Variants in ARID4A observed in about 807,000 individuals in gnomAD.
ARID4A encodes AT-rich interaction domain 4A.
ARID4A carries 39 observed loss-of-function variants against 148.6 expected under a neutral mutation model. The ratio of observed to expected loss-of-function variants is 0.26; its 90% CI spans 0.20 to 0.34. ARID4A has a LOEUF of 0.34. Among genes scored for constraint, ARID4A ranks in the 10% least tolerant of loss-of-function variants. The pLI is 1.00. For synonymous variants in ARID4A, 475 were observed against 481.2 expected (o/e 0.99, Z 0.17); for missense variants, 1,265 against 1,449.1 (o/e 0.87, Z 2.06).
At chr14:58,332,399 A>G (rs2033580534) in intron 11 of ARID4A, among the ~76,000 whole-genome samples, 2 of 152,100 alleles carry the variant, frequency 1.3e-5, no homozygotes, top group Non-Finnish European at 2.9e-5. Context: ...TCGGATGGTC[A>G]ATTTCATAGC....
In ARID4A at chr14:58,372,099, C is replaced by A; in HGVS notation, c.*110C>A. 1.4e-6 allele frequency: 1 copy of A among 723,944 alleles called. No homozygotes were observed. Among genetic ancestry groups the A allele is most frequent in the South Asian group, 1.7e-5 (1 of 57,280 alleles). 44.8% of individuals were successfully genotyped at this position (723,944 alleles called of 1,614,324 possible). On this transcript the variant is annotated 3_prime_UTR_variant, in exon 24 of 24. Coordinates refer to ENST00000355431, the MANE Select transcript of ARID4A (RefSeq NM_002892.4). ...ACTGGTTTGACATTGCTAAGTATAT[C>A]CTGTATACTTTTCCAGGCTGGATTG...
At chr14:58,299,727 ACTTT>A in intron 1 of ARID4A, 67 bp from the exon 2 acceptor site, 1 of 1,340,394 alleles carries the variant, frequency 7.5e-7, no homozygotes, top group Non-Finnish European at 1.1e-6. Context: ...GCGTTTGTTT[ACTTT>A]CTTTCCCTTG....
At chr14:58,347,210 T>A (rs2034416788) in intron 14 of ARID4A, 93 bp downstream of exon 14, 2 of 634,662 alleles carry the variant, frequency 3.2e-6, no homozygotes, top group Non-Finnish European at 4.8e-6. Flanking sequence ...TCTAGAAACA[T>A]TAAAGTTAGA....
At chr14:58,361,739 T>C (rs1274584006) in intron 19 of ARID4A, among the ~76,000 whole-genome samples, 1 of 152,188 alleles carries the variant, frequency 6.6e-6, no homozygotes, top group Non-Finnish European at 1.5e-5. Context: ...TTGGGGTTGC[T>C]GAAGAAACTG....
intron 23 of ARID4A, among the ~76,000 whole-genome samples, chr14:58,367,671 G>A (rs1247676895): frequency 6.6e-6 from 1 of 152,154 alleles, no homozygotes; most frequent in Non-Finnish European, 1.5e-5. Flanking sequence ...CTAGCCCTTC[G>A]GGGGTTGTAG....
intron 19 of ARID4A, among the ~76,000 whole-genome samples, chr14:58,362,934 A>T (rs1371042310): frequency 6.6e-6 from 1 of 152,134 alleles, no homozygotes; most frequent in East Asian, 1.9e-4. Flanking sequence ...ACTGAACTAC[A>T]TGTTTGCTAT....
intron 11 of ARID4A, among the ~76,000 whole-genome samples, chr14:58,337,857 C>A (rs548484948): frequency 6.6e-6 from 1 of 152,262 alleles, no homozygotes; most frequent in Non-Finnish European, 1.5e-5. Flanking sequence ...TGATGGTAAC[C>A]CTTTATTGGC....
chr14:58,329,668 A>G, intron 10 of ARID4A, 64 bp downstream of exon 10: 1 of 1,321,006 alleles, frequency 7.6e-7, no homozygotes, highest in South Asian at 1.2e-5. Context: ...ATAGCAAATA[A>G]AGCAAGACTG....
At chr14:58,317,437 A>G (rs951219742) in intron 5 of ARID4A, among the ~76,000 whole-genome samples, 2 of 149,014 alleles carry the variant, frequency 1.3e-5, no homozygotes, top group Non-Finnish European at 3.0e-5. Flanking sequence ...GGCGCCCGCC[A>G]CCACGTCTGG....
chr14:58,358,016 A>G (rs2034961880), intron 17 of ARID4A, among the ~76,000 whole-genome samples: 1 of 152,106 alleles, frequency 6.6e-6, no homozygotes, highest in African/African-American at 2.4e-5. Flanking sequence ...CAGCCTGGGC[A>G]ACATGGCAAA....
chr14:58,299,511 A>G (rs1309491756), intron 1 of ARID4A: 28 of 301,698 alleles, frequency 9.3e-5, no homozygotes, highest in East Asian at 8.2e-4. Flanking sequence ...TTCCGGAGCT[A>G]TCTGTCCTGG....
intron 23 of ARID4A, among the ~76,000 whole-genome samples, chr14:58,370,646 C>G (rs1319795517): frequency 1.3e-5 from 2 of 151,194 alleles, no homozygotes; most frequent in Non-Finnish European, 3.0e-5. Flanking sequence ...GGTACAGGCT[C>G]TGGCACCCAG....
At chr14:58,327,153 T>C (rs1347098428) in intron 8 of ARID4A, among the ~76,000 whole-genome samples, 1 of 152,148 alleles carries the variant, frequency 6.6e-6, no homozygotes, top group Non-Finnish European at 1.5e-5. Context: ...AAAATAGAAT[T>C]AAAAATTCAG....
At chr14:58,317,454 T>A (rs2032521892) in intron 5 of ARID4A, among the ~76,000 whole-genome samples, 1 of 148,548 alleles carries the variant, frequency 6.7e-6, no homozygotes, top group Non-Finnish European at 1.5e-5. Context: ...CTGGCTAATT[T>A]TTTTTGTATT....
rs1437700288 is a variant in ARID4A at position 58,351,119 on chromosome 14, T to A, written c.1451T>A (p.Ile484Asn). The change falls in exon 16 of 24, where the codon ATT (isoleucine) becomes AAT (asparagine). Residue 484 changes from isoleucine to asparagine, a missense_variant. By Grantham distance (149) the Ile-to-Asn change is moderately radical. Transcript: ENST00000355431. The part of the protein sequence containing the change: ...ARDVNSIKKE[I>N]EEEKTEDKLK... Reference sequence around the variant, plus strand: ...GATGTAAATTCTATTAAAAAGGAAATTGAAGAAGAGAAAACAGAAGACAAA... The same window carrying A: ...GATGTAAATTCTATTAAAAAGGAAAATGAAGAAGAGAAAACAGAAGACAAA... The A allele has an allele frequency of 2.5e-6, 4 of 1,603,356 alleles. No individual in the cohort carries two copies. The highest frequency in any genetic ancestry group is 3.5e-5 in the Admixed American group (2 of 57,714).
intron 5 of ARID4A, among the ~76,000 whole-genome samples, chr14:58,307,588 G>A (rs1184797976): frequency 6.6e-6 from 1 of 152,184 alleles, no homozygotes; most frequent in Non-Finnish European, 1.5e-5. Context: ...AGGGGGGCGA[G>A]GTGGGCGGAT....
chr14:58,346,556 A>C (rs892281413), intron 13 of ARID4A, 51 bp downstream of exon 13: 1 of 1,252,770 alleles, frequency 8.0e-7, no homozygotes. Flanking sequence ...TAAAAAGTTA[A>C]GTTATCTTAT....
At chr14:58,320,062 C>G (rs564801321) in intron 7 of ARID4A, among the ~76,000 whole-genome samples, 1 of 151,558 alleles carries the variant, frequency 6.6e-6, no homozygotes, top group East Asian at 2.0e-4. Context: ...ATTCTCCTGC[C>G]TCAGCCTCCC....
intron 17 of ARID4A, among the ~76,000 whole-genome samples, chr14:58,356,053 A>T (rs1054587368): frequency 6.6e-6 from 1 of 152,198 alleles, no homozygotes; most frequent in African/African-American, 2.4e-5. Context: ...TGAAGCCACC[A>T]TGGTTCCTAA....
Sources: allele counts gnomAD v4.1 joint callset (sites outside exome capture counted in the v4.1 genomes callset), GRCh38; gene constraint gnomAD v4.1.1; transcripts MANE v1.5; gene names NCBI Gene and HGNC (gene_info 2026-07-23, HGNC 2026-07-21).